The following SDC3 variants were observed in gnomAD, a reference collection of about 807,000 sequenced individuals.
SDC3 encodes syndecan 3.
A neutral mutation model predicts 24.4 loss-of-function variants in SDC3; 13 were observed. That is an observed-to-expected ratio of 0.53 (90% CI 0.35 to 0.85). The LOEUF (loss-of-function observed/expected upper bound fraction) is 0.85. Among genes scored for constraint, SDC3 ranks in the 40% least tolerant of loss-of-function variants. The pLI is 0.01. For missense variants in SDC3, 571 were observed against 584.5 expected, an observed-to-expected ratio of 0.98 and a Z score of 0.24; for synonymous variants, 295 against 260.9, an observed-to-expected ratio of 1.13 and a Z score of -1.26.
At chr1:30,891,829 G>A (rs754390070) in intron 1 of SDC3, among the ~76,000 whole-genome samples, 4 of 150,490 alleles carry the variant, frequency 2.7e-5, no homozygotes, top group Non-Finnish European at 4.4e-5. Context: ...CTCCAGCCTG[G>A]GCGACACAGT....
In SDC3 at chr1:30,878,714, G is replaced by C. The variant is rs370466470; in HGVS notation, c.165C>G (p.Phe55Leu). The change falls in exon 2 of 5, where the codon TTC (phenylalanine) becomes TTG (leucine). Residue 55 changes from phenylalanine (F) to leucine (L), a missense_variant. Physicochemically the swap from Phe to Leu is conservative, Grantham distance 22. This residue lies in a region of SDC3 where 497 missense variants were observed against 471.6 expected (regional missense o/e 1.05). Transcript: ENST00000339394. ...AGCCCTCCAGGTCCACGGGTCTCTCGAAGTTCTCACTGCGCCAGCGCTGGG... is the reference window on the plus strand; with the variant it reads ...AGCCCTCCAGGTCCACGGGTCTCTCCAAGTTCTCACTGCGCCAGCGCTGGG... ...AGAQRWRSEN[F>L]ERPVDLEGSG... 13 of 1,614,082 alleles carry C rather than the reference G, an allele frequency of 8.1e-6. No homozygotes were observed. The highest frequency in any genetic ancestry group is 1.1e-5 in the Non-Finnish European group (13 of 1,180,022).
At chr1:30,877,636 G>C (rs1354141809) in intron 2 of SDC3, 1 of 203,224 alleles carries the variant, frequency 4.9e-6, no homozygotes, top group African/African-American at 2.3e-5. Flanking sequence ...AAAGGGAAAA[G>C]AAGCCCTTGA....
chr1:30,903,857 C>T (rs1255837760), intron 1 of SDC3, among the ~76,000 whole-genome samples: 1 of 152,140 alleles, frequency 6.6e-6, no homozygotes, highest in Non-Finnish European at 1.5e-5. Context: ...CTCATACTAG[C>T]TCTGCCACTT....
Position 30,876,992 on chromosome 1 carries a change from C to G in SDC3, c.430G>C (p.Val144Leu). 1.2e-6 allele frequency: 2 copies of G among 1,613,580 alleles called. No homozygotes were observed. Among genetic ancestry groups the G allele is most frequent in the Non-Finnish European group, 1.7e-6 (2 of 1,179,816 alleles). The change falls in exon 3 of 5, where the codon GTG becomes CTG. Residue 144 changes from valine (V) to leucine (L), a missense_variant. Physicochemically the swap from Val to Leu is conservative, Grantham distance 32 (BLOSUM62 1). Transcript: ENST00000339394. The stretch of plus-strand genomic sequence containing the variant: ...GGCTCTTCCGGGACTTCTGTCACCA[C>G]CAGGGGGCTGGTGGCTGGCTCCAGG... ...PTLEPATSPL[V>L]VTEVPEEPSQ...
chr1:30,894,919 G>A (rs2124336463), intron 1 of SDC3, among the ~76,000 whole-genome samples: 1 of 152,110 alleles, frequency 6.6e-6, no homozygotes, highest in Non-Finnish European at 1.5e-5. Context: ...GTCTCTGAGT[G>A]GTACCTGTGC....
Position 30,876,841 on chromosome 1 carries a change from G to A in SDC3, c.581C>T (p.Pro194Leu). The A allele has an allele frequency of 6.2e-7, 1 of 1,612,492 alleles. No individual in the cohort carries two copies. The highest frequency in any genetic ancestry group is 8.5e-7 in the Non-Finnish European group (1 of 1,179,378). ...AACAGCAGTGGTGGCCGTAAAAGGG[G>A]GTGCTGCAGGGGTGCTGGGGGTGGC... ...ATATPSTPAA[P>L]PFTATTAVIR... Residue 194 changes from proline to leucine, a missense_variant, in exon 3 of 5, where the codon CCC (proline) becomes CTC (leucine). Around this residue, in one of 2 missense-constraint regions of SDC3, gnomAD observed 497 missense variants for 471.6 expected, o/e 1.05. Coordinates refer to ENST00000339394, the MANE Select transcript of SDC3 (RefSeq NM_014654.4).
chr1:30,898,690 G>A (rs767533821), intron 1 of SDC3, among the ~76,000 whole-genome samples: 34 of 152,116 alleles, frequency 2.2e-4, no homozygotes, highest in Non-Finnish European at 7.3e-5. Context: ...CAGGCCAGCC[G>A]TCCTGCCTGC....
chr1:30,887,952 G>A (rs72657253), intron 1 of SDC3, among the ~76,000 whole-genome samples: 9,876 of 152,310 alleles, frequency 0.065, 370 homozygotes, highest in Middle Eastern at 0.099. Context: ...AGGACTCCAA[G>A]TGAGCTGGGA....
Position 30,899,208 on chromosome 1 carries a change from T to A in SDC3, c.138+9241A>T, listed in dbSNP as rs550995544. Among the ~76,000 whole-genome samples, 10 of 151,592 alleles carry A rather than the reference T, an allele frequency of 6.6e-5. 1 individual carries two copies. In the South Asian group the frequency reaches 2.1e-3, roughly 32 times the overall value. On this transcript the variant is annotated intron_variant, in intron 1 of 4. Coordinates refer to ENST00000339394, the MANE Select transcript of SDC3 (RefSeq NM_014654.4). ...ATCAAGCAATTCTCCTGCCTCAGCCTCTGGAGTAGCTGGGATTACAGGTGT... is the reference window on the plus strand; with the variant it reads ...ATCAAGCAATTCTCCTGCCTCAGCCACTGGAGTAGCTGGGATTACAGGTGT...
chr1:30,874,543 C>T lies in SDC3; in HGVS notation c.916G>A (p.Glu306Lys), dbSNP rs773931784. ...TFLTTIRDEP[E>K]VPVSGGPSGD... ...CTGGGCCCCCCACTCACCGGAACCT[C>T]TGGCTCATCCCGGATTGTGGTCAGG... Residue 306 changes from glutamate to lysine, a missense_variant, in exon 4 of 5, where the codon GAG (glutamate) becomes AAG (lysine). Coordinates refer to ENST00000339394, the MANE Select transcript of SDC3 (RefSeq NM_014654.4). 1 of 1,614,170 alleles carries T rather than the reference C, an allele frequency of 6.2e-7. No homozygotes were observed. The highest frequency in any genetic ancestry group is 8.5e-7 in the Non-Finnish European group (1 of 1,180,030).
In SDC3 at chr1:30,878,881, T is replaced by A. The variant is rs535807446; in HGVS notation, c.139-141A>T. ...ATCTTGTGTGTACCCTGAAGGAAAG[T>A]GCGTGTGTGAATAATTCACAGGGCA... is the stretch of plus-strand genomic sequence containing the variant. On this transcript the variant is annotated intron_variant, in intron 1 of 4. Coordinates refer to ENST00000339394, the MANE Select transcript of SDC3 (RefSeq NM_014654.4). The A allele has an allele frequency of 1.6e-5, 11 of 679,554 alleles. No individual in the cohort carries two copies. In the Admixed American group the frequency reaches 2.6e-4, roughly 16 times the overall value. The allele number at this position is 679,554 out of a possible 1,614,324, so 42.1% of individuals were successfully genotyped here. A position where few individuals can be genotyped will look rare whatever the true frequency, so the allele number is the denominator to read the frequency against.
At position 30,869,557 on chromosome 1, in the gene SDC3, A is replaced by ACG; in HGVS notation, c.*3653_*3654insCG. ...CAAACAAAAAAAAAAAAAAAAAAAA[A>ACG]AAAACAAAAACAAAACCAGTTCCTT... On this transcript the variant is annotated 3_prime_UTR_variant, in exon 5 of 5. Transcript: ENST00000339394. The ACG allele has an allele frequency of 2.7e-6, 1 of 376,490 alleles. No individual in the cohort carries two copies. Among genetic ancestry groups the ACG allele is most frequent in the Non-Finnish European group, 4.6e-6 (1 of 218,588 alleles). The allele number at this position is 376,490 out of a possible 1,614,324, so 23.3% of individuals were successfully genotyped here. A position where few individuals can be genotyped will look rare whatever the true frequency, so the allele number is the denominator to read the frequency against.
At position 30,874,388 on chromosome 1, in the gene SDC3, G is replaced by A. The variant is rs1231395621; in HGVS notation, c.1071C>T (p.Gly357=). The change falls in exon 4 of 5, where the codon GGC becomes GGT. Residue 357 remains glycine, a synonymous_variant. Coordinates refer to ENST00000339394, the MANE Select transcript of SDC3 (RefSeq NM_014654.4). ...CGATGGCATTGTCCAGGAGGCCAGG[G>A]CCCGGGCGGGCACCCTTGGGCAGTG... ...PGTLPKGARP[G]PGLLDNAIDS... 2 of 1,614,010 alleles carry A rather than the reference G, an allele frequency of 1.2e-6. No individual in the cohort carries two copies. Among genetic ancestry groups the A allele is most frequent in the Non-Finnish European group, 1.7e-6 (2 of 1,179,960 alleles).
intron 1 of SDC3, among the ~76,000 whole-genome samples, chr1:30,895,138 T>TC (rs1440463523): frequency 1.3e-5 from 2 of 151,916 alleles, no homozygotes; most frequent in African/African-American, 4.8e-5. Flanking sequence ...GGACTCCTGA[T>TC]CCCCCTGGCA....
rs894360403 is a variant in SDC3, at chr1:30,870,634, T to C, written c.*2577A>G. ...CATCTGCCTTGGGTCCAGGGATCCATGAACAAGGCCCCTGGCCTCTTCTCT... is the reference window on the plus strand; with the variant it reads ...CATCTGCCTTGGGTCCAGGGATCCACGAACAAGGCCCCTGGCCTCTTCTCT... On this transcript the variant is annotated 3_prime_UTR_variant, in exon 5 of 5. Transcript: ENST00000339394. The C allele has an allele frequency of 6.6e-6, 1 of 152,214 alleles. No homozygotes were observed. Among genetic ancestry groups the C allele is most frequent in the African/African-American group, 2.4e-5 (1 of 41,428 alleles). The allele number at this position is 152,214 out of a possible 1,614,324, so 9.4% of individuals were successfully genotyped here.
At chr1:30,907,124 G>T (rs753324702) in intron 1 of SDC3, among the ~76,000 whole-genome samples, 5 of 152,192 alleles carry the variant, frequency 3.3e-5, no homozygotes, top group African/African-American at 1.2e-4. Context: ...TGCAGAGGGC[G>T]GCTGGGCACC....
At chr1:30,900,773 A>G (rs988505252) in intron 1 of SDC3, among the ~76,000 whole-genome samples, 5 of 152,052 alleles carry the variant, frequency 3.3e-5, no homozygotes, top group Admixed American at 6.6e-5. Flanking sequence ...TTGATTCTAA[A>G]TTACCCTCAT....
At position 30,876,973 on chromosome 1, in the gene SDC3, T is replaced by G. The variant is rs775349919; in HGVS notation, c.449A>C (p.Glu150Ala). 1 of 1,613,668 alleles carries G rather than the reference T, an allele frequency of 6.2e-7. No homozygotes were observed. Among genetic ancestry groups the G allele is most frequent in the Admixed American group, 1.7e-5 (1 of 60,012 alleles). The change falls in exon 3 of 5, where the codon GAA becomes GCA. Residue 150 changes from glutamate to alanine, a missense_variant. Physicochemically the swap from Glu to Ala is moderately radical, Grantham distance 107. Transcript: ENST00000339394. ...TSPLVVTEVP[E>A]EPSQRATTVS... ...GGTGGTGGCTCTCTGGCTGGGCTCT[T>G]CCGGGACTTCTGTCACCACCAGGGG...
In SDC3 at chr1:30,874,408, G is replaced by A. The variant is rs1639595314; in HGVS notation, c.1051C>T (p.Pro351Ser). 1 of 1,614,124 alleles carries A rather than the reference G, an allele frequency of 6.2e-7. No homozygotes were observed. Among genetic ancestry groups the A allele is most frequent in the East Asian group, 2.2e-5 (1 of 44,882 alleles). The part of the protein sequence containing the change: ...AKASSPPGTL[P>S]KGARPGPGLL... ...CCAGGGCCCGGGCGGGCACCCTTGG[G>A]CAGTGTCCCAGGTGGAGATGATGCC... The change falls in exon 4 of 5, where the codon CCC becomes TCC. Residue 351 changes from proline (P) to serine (S), a missense_variant. Physicochemically the swap from Pro to Ser is moderately conservative, Grantham distance 74. Transcript: ENST00000339394.
Sources: allele counts gnomAD v4.1 joint callset (sites outside exome capture counted in the v4.1 genomes callset), GRCh38; gene constraint gnomAD v4.1.1; regional missense constraint gnomAD v4.1.1; transcripts MANE v1.5; gene names NCBI Gene and HGNC (gene_info 2026-07-23, HGNC 2026-07-21).